Variants in ARHGEF40 observed in about 807,000 individuals in gnomAD.
ARHGEF40 encodes the protein Rho guanine nucleotide exchange factor (GEF) 40.
ARHGEF40 carries 98 observed loss-of-function variants against 165.9 expected under a neutral mutation model. The ratio of observed to expected loss-of-function variants is 0.59; its 90% CI spans 0.50 to 0.70. The LOEUF is 0.70. ARHGEF40 is among the 30% of genes least tolerant of loss of function. The probability of loss-of-function intolerance (pLI) is 0.00; values close to 1 mark genes in which losing one functional copy is unlikely to be tolerated. For missense variants in ARHGEF40, 1,815 were observed against 1,968.0 expected (o/e 0.92, Z 1.47); for synonymous variants, 792 against 814.3 (o/e 0.97, Z 0.47).
chr14:21,076,919 C>T, intron 8 of ARHGEF40, 29 bp downstream of exon 8: 1 of 1,575,076 alleles, frequency 6.3e-7, no homozygotes, highest in Non-Finnish European at 8.7e-7. Context: ...ACCTAGCATG[C>T]TGGGAGCCAG....
At chr14:21,079,256 G>A (rs1216903658) in intron 11 of ARHGEF40, among the ~76,000 whole-genome samples, 1 of 152,214 alleles carries the variant, frequency 6.6e-6, no homozygotes, top group Admixed American at 6.5e-5. Context: ...CTGAGAGATT[G>A]TGAGAGATGC....
upstream of ARHGEF40, among the ~76,000 whole-genome samples, chr14:21,066,783 G>A (rs532498279): frequency 2.6e-5 from 4 of 152,150 alleles, no homozygotes; most frequent in East Asian, 1.9e-4. Context: ...CACTTAGTTC[G>A]GAGAAGACAA....
At chr14:21,061,713 T>C in the ARHGEF40 span, among the ~76,000 whole-genome samples, 2 of 152,232 alleles carry the variant, frequency 1.3e-5, no homozygotes, top group Non-Finnish European at 2.9e-5. Context: ...ATAGAAATGT[T>C]TAAAAGAATC....
chr14:21,087,739 T>G lies in ARHGEF40; in HGVS notation c.4388-229T>G, dbSNP rs760817736. The G allele has an allele frequency of 6.6e-4, 459 of 694,472 alleles. 1 individual carries two copies. Among genetic ancestry groups the G allele is most frequent in the Middle Eastern group, 5.7e-3 (14 of 2,464 alleles). 43.0% of individuals were successfully genotyped at this position (694,472 alleles called of 1,614,324 possible). ...CAGCTTCCTGTTGTACCCTCCTGGTTCACCACGGCAATCCTTATAGTTTCC... is the reference window on the plus strand; with the variant it reads ...CAGCTTCCTGTTGTACCCTCCTGGTGCACCACGGCAATCCTTATAGTTTCC... On this transcript the variant is annotated intron_variant, in intron 21 of 23. Coordinates refer to ENST00000298694, the MANE Select transcript of ARHGEF40 (RefSeq NM_018071.5).
chr14:21,087,128 G>C, intron 20 of ARHGEF40, 23 bp downstream of exon 20: 1 of 1,603,326 alleles, frequency 6.2e-7, no homozygotes, highest in Non-Finnish European at 8.5e-7. Flanking sequence ...GTGCTGGGGG[G>C]TGGCCCCCAG....
intron 19 of ARHGEF40, chr14:21,086,659 C>A: frequency 4.3e-6 from 1 of 233,814 alleles, no homozygotes; most frequent in Non-Finnish European, 8.7e-6. Context: ...ATCTTGTAAA[C>A]TGTAAAGGTA....
chr14:21,083,806 C>T (rs776313740), intron 16 of ARHGEF40, 29 bp from the exon 17 acceptor site: 1 of 1,601,640 alleles, frequency 6.2e-7, no homozygotes, highest in East Asian at 2.2e-5. Context: ...CCACCCCTCC[C>T]CTCATCCCTG....
chr14:21,067,301 C>T (rs1886319226), upstream of ARHGEF40, among the ~76,000 whole-genome samples: 1 of 151,738 alleles, frequency 6.6e-6, no homozygotes, highest in Non-Finnish European at 1.5e-5. Flanking sequence ...TTCTCTGACC[C>T]ACGGGGACAT....
chr14:21,083,818 C>T lies in ARHGEF40; in HGVS notation c.3574-17C>T. On this transcript the variant is annotated splice_polypyrimidine_tract_variant and intron_variant, in intron 16 of 23. Transcript: ENST00000298694. ...GCTCCACCCCTCCCCTCATCCCTGT[C>T]TGTGTCCTCAACCTAGGGCTCCATG... 1 of 1,607,752 alleles carries T rather than the reference C, an allele frequency of 6.2e-7. No individual in the cohort carries two copies. The highest frequency in any genetic ancestry group is 1.3e-5 in the African/African-American group (1 of 74,888).
In ARHGEF40 at chr14:21,070,537, C is replaced by A; in HGVS notation, c.3+138C>A. On this transcript the variant is annotated intron_variant, in intron 1 of 23. Transcript: ENST00000298694. This position sits in a 1 kb window ranked among gnomAD's most constrained non-coding sequence, Gnocchi z 4.7. ...TCTGGGACTCTCCTCCCTCCCATCCCCCCTTCTTCGATTTGTCTGTCTGCC... is the reference window on the plus strand; with the variant it reads ...TCTGGGACTCTCCTCCCTCCCATCCACCCTTCTTCGATTTGTCTGTCTGCC... The A allele has an allele frequency of 9.2e-7, 1 of 1,090,898 alleles. No homozygotes were observed. The highest frequency in any genetic ancestry group is 2.7e-5 in the East Asian group (1 of 36,692). The allele number at this position is 1,090,898 out of a possible 1,614,324, so 67.6% of individuals were successfully genotyped here.
intron 17 of ARHGEF40, 28 bp downstream of exon 17, chr14:21,084,078 C>A: frequency 6.4e-7 from 1 of 1,568,976 alleles, no homozygotes; most frequent in Non-Finnish European, 8.6e-7. Context: ...GTCACTGCTG[C>A]TCAAACTGCC....
At chr14:21,087,158 G>A (rs1888409821) in intron 20 of ARHGEF40, 53 bp downstream of exon 20, 1 of 1,599,990 alleles carries the variant, frequency 6.3e-7, no homozygotes, top group South Asian at 1.1e-5. Flanking sequence ...CCTTGACAAT[G>A]AGGATACAAA....
chr14:21,069,639 C>T (rs1401840693), upstream of ARHGEF40, among the ~76,000 whole-genome samples: 1 of 152,250 alleles, frequency 6.6e-6, no homozygotes, highest in East Asian at 1.9e-4. Flanking sequence ...CTCCCGCCTT[C>T]CCCAGGCAAC....
the ARHGEF40 span, among the ~76,000 whole-genome samples, chr14:21,062,624 T>A: frequency 1.3e-5 from 2 of 152,100 alleles, no homozygotes; most frequent in Admixed American, 1.3e-4. Flanking sequence ...ATAGGGACTT[T>A]TCCTCCTTGG....
chr14:21,085,783 T>C lies in ARHGEF40; in HGVS notation c.4055T>C (p.Leu1352Pro). ...RRRRAREAYT[L>P]QATSPEIKLK... The stretch of plus-strand genomic sequence containing the variant: ...CGGCGTGCACGAGAGGCATACACTC[T>C]GCAGGCAACCTCACCAGAGATCAAA... The change falls in exon 19 of 24, where the codon CTG becomes CCG. Residue 1352 changes from leucine to proline, a missense_variant. Coordinates refer to ENST00000298694, the MANE Select transcript of ARHGEF40 (RefSeq NM_018071.5). The C allele has an allele frequency of 6.2e-7, 1 of 1,614,200 alleles. No individual in the cohort carries two copies. The highest frequency in any genetic ancestry group is 8.5e-7 in the Non-Finnish European group (1 of 1,180,040).
chr14:21,080,288 C>T (rs1424679874), intron 11 of ARHGEF40, among the ~76,000 whole-genome samples: 4 of 151,314 alleles, frequency 2.6e-5, no homozygotes, highest in Admixed American at 6.6e-5. Context: ...TCCCTGGGAC[C>T]GTTTCTCACC....
chr14:21,085,623 T>C, intron 18 of ARHGEF40, 66 bp from the exon 19 acceptor site: 1 of 1,556,622 alleles, frequency 6.4e-7, no homozygotes, highest in Non-Finnish European at 8.7e-7. Context: ...GCCCAGTGCT[T>C]GCCATGTGGC....
chr14:21,067,980 CTTTTTTTTTTTTTTTTTTTTTT>C (rs1171332473), upstream of ARHGEF40, among the ~76,000 whole-genome samples: 1 of 22,284 alleles, frequency 4.5e-5, no homozygotes, highest in Non-Finnish European at 1.2e-4. Flanking sequence ...AGTGGCTCCC[CTTTTTTTTTTTTTTTTTTTTTT>C]TTTTTTTTTT....
In ARHGEF40 at chr14:21,082,284, C is replaced by G; in HGVS notation, c.3292C>G (p.Gln1098Glu). 1 of 1,612,892 alleles carries G rather than the reference C, an allele frequency of 6.2e-7. No homozygotes were observed. The highest frequency in any genetic ancestry group is 8.5e-7 in the Non-Finnish European group (1 of 1,179,326). ...RLVSELIACE[Q>E]DYVATLSEPV... ...GGTGTCTGAGCTGATTGCCTGTGAACAAGATTACGTGGCCACCTTGAGTGA... is the reference window on the plus strand; with the variant it reads ...GGTGTCTGAGCTGATTGCCTGTGAAGAAGATTACGTGGCCACCTTGAGTGA... Residue 1098 changes from glutamine (Q) to glutamate (E), a missense_variant, in exon 15 of 24, where the codon CAA becomes GAA. Transcript: ENST00000298694.
Sources: allele counts gnomAD v4.1 joint callset (sites outside exome capture counted in the v4.1 genomes callset), GRCh38; gene constraint gnomAD v4.1.1; non-coding constraint Gnocchi (gnomAD v3.1); transcripts MANE v1.5; gene names NCBI Gene and HGNC (gene_info 2026-07-23, HGNC 2026-07-21).